Variants in NR3C2 observed in about 807,000 individuals in gnomAD.
The protein encoded by NR3C2 is nuclear receptor subfamily 3 group C member 2.
A neutral mutation model predicts 86.4 loss-of-function variants in NR3C2; 15 were observed. The observed-to-expected ratio is 0.17, with a 90% CI of 0.12 to 0.27. The LOEUF (loss-of-function observed/expected upper bound fraction) is 0.27. Among genes scored for constraint, NR3C2 ranks in the 10% least tolerant of loss-of-function variants. The pLI is 1.00. For missense variants in NR3C2, 960 were observed against 1,195.6 expected (o/e 0.80, Z 2.91); for synonymous variants, 458 against 450.5 (o/e 1.02, Z -0.21).
At chr4:148,102,591 C>T (rs887432256) in intron 8 of NR3C2, among the ~76,000 whole-genome samples, 1 of 152,090 alleles carries the variant, frequency 6.6e-6, no homozygotes, top group African/African-American at 2.4e-5. Context: ...GTCATCATTC[C>T]ACCACCTGAA....
intron 2 of NR3C2, among the ~76,000 whole-genome samples, chr4:148,362,783 A>G (rs2126314036): frequency 6.6e-6 from 1 of 152,292 alleles, no homozygotes; most frequent in Admixed American, 6.5e-5. Context: ...GAGAATCTAT[A>G]ATAGGAAAAC....
chr4:148,371,375 G>C (rs1473836411), intron 2 of NR3C2, among the ~76,000 whole-genome samples: 1 of 152,112 alleles, frequency 6.6e-6, no homozygotes, highest in Non-Finnish European at 1.5e-5. Flanking sequence ...AGAAGAGACA[G>C]CTGATAAACA....
intron 4 of NR3C2, among the ~76,000 whole-genome samples, chr4:148,162,527 C>A (rs1734706763): frequency 6.6e-6 from 1 of 152,134 alleles, no homozygotes. Context: ...GAAAGAACCT[C>A]AGGGGAAGAG....
intron 8 of NR3C2, among the ~76,000 whole-genome samples, chr4:148,085,868 C>T (rs1056766646): frequency 2.0e-5 from 3 of 152,180 alleles, no homozygotes; most frequent in African/African-American, 4.8e-5. Context: ...TGCAAATAAA[C>T]TAGAAAATCT....
intron 2 of NR3C2, among the ~76,000 whole-genome samples, chr4:148,390,574 A>C (rs1287246057): frequency 6.6e-6 from 1 of 152,174 alleles, no homozygotes; most frequent in Non-Finnish European, 1.5e-5. Flanking sequence ...TGTGAATGAA[A>C]AATACAACAA....
At chr4:148,101,950 C>T (rs1171941286) in intron 8 of NR3C2, among the ~76,000 whole-genome samples, 4 of 152,100 alleles carry the variant, frequency 2.6e-5, no homozygotes, top group Non-Finnish European at 4.4e-5. Context: ...CTGGAAACCC[C>T]GTGAGCATTA....
chr4:148,146,447 T>C (rs6831887), intron 6 of NR3C2: 37,314 of 152,450 alleles, frequency 0.24, 5,306 homozygotes, highest in East Asian at 0.6. Flanking sequence ...AGGGACCTCA[T>C]TGGCACTGTG....
rs1004908618 is a variant in NR3C2 at position 148,404,958 on chromosome 4, C to T, written c.1757+30146G>A. 4.6e-5 allele frequency among the ~76,000 whole-genome samples: 7 copies of T among 152,172 alleles called. No individual in the cohort carries two copies. In the South Asian group the frequency reaches 8.3e-4, roughly 18 times the overall value. On this transcript the variant is annotated intron_variant, in intron 2 of 8. Transcript: ENST00000358102. Reference sequence around the variant, plus strand: ...AATGCATGTGGAGAATTAGATGGTTCCAAACTCATGTATTAGATGTTTACC... The same window carrying T: ...AATGCATGTGGAGAATTAGATGGTTTCAAACTCATGTATTAGATGTTTACC...
upstream of NR3C2, among the ~76,000 whole-genome samples, chr4:148,443,404 G>A (rs1750451135): frequency 6.6e-6 from 1 of 150,560 alleles, no homozygotes; most frequent in East Asian, 2.0e-4. Context: ...GGATATTCAC[G>A]TTATAATGGG....
intron 2 of NR3C2, among the ~76,000 whole-genome samples, chr4:148,335,551 T>C (rs1202922056): frequency 6.6e-6 from 1 of 152,176 alleles, no homozygotes; most frequent in Non-Finnish European, 1.5e-5. Context: ...CTCAAGTACT[T>C]CAGAGTGCCC....
At chr4:148,376,170 C>T (rs1230382358) in intron 2 of NR3C2, among the ~76,000 whole-genome samples, 1 of 143,272 alleles carries the variant, frequency 7.0e-6, no homozygotes, top group Non-Finnish European at 1.5e-5. Flanking sequence ...AAACCCACGA[C>T]GACTGGGCAT....
At chr4:148,280,550 G>A (rs1035701449) in intron 2 of NR3C2, among the ~76,000 whole-genome samples, 3 of 152,164 alleles carry the variant, frequency 2.0e-5, no homozygotes, top group Non-Finnish European at 4.4e-5. Flanking sequence ...CCAGGCTGGA[G>A]TGCAGTGGTA....
intron 2 of NR3C2, among the ~76,000 whole-genome samples, chr4:148,260,646 C>T (rs72655239): frequency 1.2e-3 from 189 of 152,230 alleles, no homozygotes; most frequent in Admixed American, 1.8e-3. Flanking sequence ...TCTAAGCTCC[C>T]GCATTTTTTC....
chr4:148,359,270 T>C (rs986652318), intron 2 of NR3C2, among the ~76,000 whole-genome samples: 19 of 152,136 alleles, frequency 1.2e-4, no homozygotes, highest in Non-Finnish European at 2.8e-4. Flanking sequence ...CATGGGTTTT[T>C]AAAGGGGGGA....
rs139673876 is a variant in NR3C2, at chr4:148,081,016, A to G, written c.*328T>C. 5 of 384,020 alleles carry G rather than the reference A, an allele frequency of 1.3e-5. No homozygotes were observed. The highest frequency in any genetic ancestry group is 6.2e-5 in the East Asian group (1 of 16,004). 23.8% of individuals were successfully genotyped at this position (384,020 alleles called of 1,614,324 possible). ...AAACAAGCGAACGATACCAGAAACT[A>G]CACGGCATAGTTAAAACTTCTTCCA... On this transcript the variant is annotated 3_prime_UTR_variant, in exon 9 of 9. Coordinates refer to ENST00000358102, the MANE Select transcript of NR3C2 (RefSeq NM_000901.5).
chr4:148,145,515 TTCACTCCTGC>T (rs1733825933), intron 6 of NR3C2, among the ~76,000 whole-genome samples: 3 of 152,202 alleles, frequency 2.0e-5, no homozygotes, highest in African/African-American at 7.2e-5. Flanking sequence ...TTAATAAACT[TTCACTCCTGC>T]TGTGTAACAT....
At chr4:148,152,749 C>T in intron 5 of NR3C2, 136 bp from the exon 6 acceptor site, 1 of 809,204 alleles carries the variant, frequency 1.2e-6, no homozygotes, top group South Asian at 1.6e-5. Context: ...ATCAATTCAA[C>T]AGTCATTTAC....
intron 6 of NR3C2, among the ~76,000 whole-genome samples, chr4:148,150,649 CA>C (rs781193314): frequency 6.6e-6 from 1 of 152,190 alleles, no homozygotes. Context: ...AGCTCAGCTG[CA>C]ATGTGCTCTC....
intron 1 of NR3C2, among the ~76,000 whole-genome samples, chr4:148,440,540 A>G (rs746732995): frequency 2.7e-4 from 41 of 152,274 alleles, no homozygotes; most frequent in Admixed American, 2.6e-4. Flanking sequence ...CCTGCCTCAC[A>G]ATGGAAACCA....
Sources: allele counts gnomAD v4.1 joint callset (sites outside exome capture counted in the v4.1 genomes callset), GRCh38; gene constraint gnomAD v4.1.1; transcripts MANE v1.5; gene names NCBI Gene and HGNC (gene_info 2026-07-23, HGNC 2026-07-21).